The following SNTG1 variants were observed in gnomAD, a reference collection of about 807,000 sequenced individuals.
SNTG1 encodes the protein syntrophin gamma 1, also known as gamma-1-syntrophin.
SNTG1 carries 39 observed loss-of-function variants against 74.7 expected under a neutral mutation model. The ratio of observed to expected loss-of-function variants is 0.52; its 90% CI spans 0.40 to 0.68. The LOEUF (loss-of-function observed/expected upper bound fraction) is 0.68. SNTG1 is among the 30% of genes least tolerant of loss of function. The pLI is 0.00. For missense variants in SNTG1, 685 were observed against 609.5 expected (o/e 1.12, Z -1.30); for synonymous variants, 254 against 217.1 (o/e 1.17, Z -1.49).
intron 5 of SNTG1, 145 bp downstream of exon 5, chr8:50,438,744 G>A: frequency 1.6e-6 from 1 of 610,156 alleles, no homozygotes; most frequent in African/African-American, 1.9e-5. Flanking sequence ...AAATTAGGTA[G>A]GTTCTCACAG....
At chr8:50,157,848 G>A (rs2082300639) in intron 1 of SNTG1, among the ~76,000 whole-genome samples, 1 of 152,068 alleles carries the variant, frequency 6.6e-6, no homozygotes, top group South Asian at 2.1e-4. Context: ...AATCGAGAAT[G>A]TTATAAAAGT....
intron 8 of SNTG1, chr8:50,456,890 C>T (rs892670597): frequency 1.3e-5 from 2 of 152,212 alleles, no homozygotes; most frequent in Non-Finnish European, 2.9e-5. Flanking sequence ...ATGGGTGAGC[C>T]TGCAATCCCT....
At chr8:49,987,482 G>C (rs1411658567) in intron 1 of SNTG1, among the ~76,000 whole-genome samples, 1 of 152,026 alleles carries the variant, frequency 6.6e-6, no homozygotes, top group East Asian at 1.9e-4. Flanking sequence ...ATCTATTCTT[G>C]AAATAGGGCC....
At position 50,752,006 on chromosome 8, in the gene SNTG1, C is replaced by A. The variant is rs138188149; in HGVS notation, c.1290C>A (p.Val430=). ...FICFDAATKA[V]LWRYKFSQLK... is the part of the protein sequence containing the mutation. Reference sequence around the variant, plus strand: ...GTTTTTTTTCCCCCCTTTAGGCTGTCCTTTGGAGGTATAAATTCTCTCAGC... The same window carrying A: ...GTTTTTTTTCCCCCCTTTAGGCTGTACTTTGGAGGTATAAATTCTCTCAGC... Residue 430 remains valine (V), a synonymous_variant, in exon 18 of 19, where the codon GTC becomes GTA. Coordinates refer to ENST00000642720, the MANE Select transcript of SNTG1 (RefSeq NM_018967.5). 1.9e-6 allele frequency: 3 copies of A among 1,554,816 alleles called. No individual in the cohort carries two copies. In the African/African-American group the frequency reaches 4.3e-5, roughly 22 times the overall value.
chr8:50,377,626 A>G (rs183870635), intron 2 of SNTG1, among the ~76,000 whole-genome samples: 5 of 152,160 alleles, frequency 3.3e-5, no homozygotes, highest in African/African-American at 4.8e-5. Flanking sequence ...ATAAATATAC[A>G]CACAAAAATG....
At chr8:50,067,518 A>C (rs998271438) in intron 1 of SNTG1, among the ~76,000 whole-genome samples, 3 of 152,192 alleles carry the variant, frequency 2.0e-5, no homozygotes, top group Non-Finnish European at 4.4e-5. Context: ...CGGTTTCTCA[A>C]ACTACCCTTC....
At chr8:50,391,360 T>C (rs1479823514) in intron 2 of SNTG1, among the ~76,000 whole-genome samples, 1 of 152,202 alleles carries the variant, frequency 6.6e-6, no homozygotes. Context: ...TCTGTTTATA[T>C]GCTGGATTAC....
intron 12 of SNTG1, among the ~76,000 whole-genome samples, chr8:50,559,849 G>A (rs1458264659): frequency 6.6e-6 from 1 of 152,112 alleles, no homozygotes; most frequent in Non-Finnish European, 1.5e-5. Flanking sequence ...AGAAGCAATT[G>A]CAACAAAAGC....
At chr8:50,476,847 G>GACACACACACACAC (rs1459314509) in intron 8 of SNTG1, among the ~76,000 whole-genome samples, 8 of 40,836 alleles carry the variant, frequency 2.0e-4, no homozygotes, top group Non-Finnish European at 5.0e-4. Context: ...ATGAGCCTGT[G>GACACACACACACAC]ACACACACAG....
chr8:50,750,063 C>T (rs2095563828), intron 17 of SNTG1, among the ~76,000 whole-genome samples: 1 of 151,882 alleles, frequency 6.6e-6, no homozygotes, highest in South Asian at 2.1e-4. Context: ...ATTTTAGATG[C>T]CATTACATTA....
At chr8:50,267,597 A>G (rs928188804) in intron 2 of SNTG1, among the ~76,000 whole-genome samples, 5 of 152,208 alleles carry the variant, frequency 3.3e-5, no homozygotes, top group African/African-American at 1.2e-4. Context: ...AAAATAACTT[A>G]GCAGTTCCTC....
chr8:50,578,419 G>C (rs1424644437), intron 12 of SNTG1, among the ~76,000 whole-genome samples: 1 of 38,432 alleles, frequency 2.6e-5, no homozygotes, highest in Non-Finnish European at 4.8e-5. Context: ...GAGGATGAGA[G>C]AGAAAGAGAG....
intron 1 of SNTG1, among the ~76,000 whole-genome samples, chr8:50,082,720 C>T (rs894190901): frequency 6.6e-6 from 1 of 152,144 alleles, no homozygotes; most frequent in Non-Finnish European, 1.5e-5. Context: ...CCCTTTCATG[C>T]CTCCTCCACA....
chr8:50,369,460 G>A (rs1386762918), intron 2 of SNTG1, among the ~76,000 whole-genome samples: 1 of 152,128 alleles, frequency 6.6e-6, no homozygotes, highest in African/African-American at 2.4e-5. Context: ...GCCAGGGGTG[G>A]TAGTGCATGC....
chr8:50,373,938 A>C (rs1425847603), intron 2 of SNTG1, among the ~76,000 whole-genome samples: 1 of 152,146 alleles, frequency 6.6e-6, no homozygotes, highest in Non-Finnish European at 1.5e-5. Context: ...CATTACAGGA[A>C]TCATCTCACT....
chr8:50,778,130 G>C (rs199931402), intron 18 of SNTG1, among the ~76,000 whole-genome samples: 1 of 152,042 alleles, frequency 6.6e-6, no homozygotes, highest in African/African-American at 2.4e-5. Flanking sequence ...GCTTCCAAGT[G>C]TTTGCTATTG....
chr8:50,088,942 G>C (rs1345829041), intron 1 of SNTG1, among the ~76,000 whole-genome samples: 67 of 150,660 alleles, frequency 4.4e-4, no homozygotes, highest in Middle Eastern at 3.4e-3. Flanking sequence ...GAGCCCGCAT[G>C]GCCAAGTCAA....
intron 1 of SNTG1, among the ~76,000 whole-genome samples, chr8:49,949,934 C>T (rs1258585142): frequency 6.6e-6 from 1 of 152,214 alleles, no homozygotes; most frequent in Non-Finnish European, 1.5e-5. Context: ...CGAGACCAGC[C>T]TGGGCAACAT....
chr8:50,183,572 C>G (rs1170278772), intron 2 of SNTG1, among the ~76,000 whole-genome samples: 1 of 152,160 alleles, frequency 6.6e-6, no homozygotes, highest in Non-Finnish European at 1.5e-5. Flanking sequence ...CATAATACAT[C>G]AGTATAATCA....
Sources: gnomAD v4.1 joint callset for allele counts (sites outside exome capture counted in the v4.1 genomes callset) on GRCh38, gnomAD v4.1.1 for gene constraint, MANE v1.5 for transcripts, NCBI Gene and HGNC (gene_info 2026-07-23, HGNC 2026-07-21) for gene names.